Variants in ATRNL1 observed in about 807,000 individuals in gnomAD.
ATRNL1 encodes the protein attractin-like protein 1.
A neutral mutation model predicts 182.7 loss-of-function variants in ATRNL1; 95 were observed. That is an observed-to-expected ratio of 0.52 (90% CI 0.44 to 0.62). The LOEUF is 0.62. ATRNL1 is among the 20% of genes least tolerant of loss of function. ATRNL1 has a pLI of 0.00. For missense variants in ATRNL1, 1,471 were observed against 1,679.5 expected, an observed-to-expected ratio of 0.88 and a Z score of 2.17; for synonymous variants, 576 against 568.3, an observed-to-expected ratio of 1.01 and a Z score of -0.19.
intron 27 of ATRNL1, among the ~76,000 whole-genome samples, chr10:115,807,282 A>G (rs191588889): frequency 4.1e-4 from 63 of 152,086 alleles, no homozygotes; most frequent in African/African-American, 1.5e-3. Context: ...CACCTGGCTA[A>G]TTTTTGTAAT....
chr10:115,516,521 C>T (rs1431566880), intron 24 of ATRNL1, among the ~76,000 whole-genome samples: 2 of 151,910 alleles, frequency 1.3e-5, no homozygotes, highest in African/African-American at 4.8e-5. Context: ...TCTCACCCAA[C>T]AGCCAGAATG....
At chr10:115,607,078 A>C (rs1856912763) in intron 26 of ATRNL1, among the ~76,000 whole-genome samples, 1 of 151,984 alleles carries the variant, frequency 6.6e-6, no homozygotes, top group African/African-American at 2.4e-5. Context: ...ATTCATCTGT[A>C]CTTTTCAATA....
At chr10:115,701,550 G>T (rs782744593) in intron 26 of ATRNL1, among the ~76,000 whole-genome samples, 1 of 151,910 alleles carries the variant, frequency 6.6e-6, no homozygotes, top group Non-Finnish European at 1.5e-5. Flanking sequence ...TTGATAGACT[G>T]CTAGGTAGAT....
chr10:115,568,289 T>C (rs1299678526), intron 26 of ATRNL1, among the ~76,000 whole-genome samples: 1 of 152,074 alleles, frequency 6.6e-6, no homozygotes, highest in African/African-American at 2.4e-5. Flanking sequence ...TAAATTATAA[T>C]TGGTTTCATC....
chr10:115,295,124 A>G (rs1267129247), intron 15 of ATRNL1, among the ~76,000 whole-genome samples: 3 of 152,064 alleles, frequency 2.0e-5, no homozygotes, highest in Non-Finnish European at 4.4e-5. Context: ...ATGTGAGTGT[A>G]TAGCTGCTCA....
At chr10:115,600,605 T>C (rs1424209706) in intron 26 of ATRNL1, among the ~76,000 whole-genome samples, 1 of 152,160 alleles carries the variant, frequency 6.6e-6, no homozygotes. Context: ...TGTAAACGGT[T>C]CTTATATAAT....
At chr10:115,612,000 C>T (rs1857183176) in intron 26 of ATRNL1, among the ~76,000 whole-genome samples, 1 of 152,100 alleles carries the variant, frequency 6.6e-6, no homozygotes, top group South Asian at 2.1e-4. Flanking sequence ...CCTATAATTC[C>T]AGCACGCTGG....
At chr10:115,571,524 C>A (rs1404300407) in intron 26 of ATRNL1, among the ~76,000 whole-genome samples, 1 of 152,160 alleles carries the variant, frequency 6.6e-6, no homozygotes, top group East Asian at 1.9e-4. Context: ...GACACTACTA[C>A]TACATTGTTG....
At chr10:115,701,205 CT>C (rs1267279715) in intron 26 of ATRNL1, among the ~76,000 whole-genome samples, 1 of 151,944 alleles carries the variant, frequency 6.6e-6, no homozygotes, top group Non-Finnish European at 1.5e-5. Flanking sequence ...CTTGAATTGA[CT>C]TTTGGATAAA....
At chr10:115,856,288 C>T (rs982448455) in intron 28 of ATRNL1, among the ~76,000 whole-genome samples, 3 of 151,746 alleles carry the variant, frequency 2.0e-5, no homozygotes, top group South Asian at 2.1e-4. Flanking sequence ...ATTAGCCAGG[C>T]GTGGTGGCAG....
intron 20 of ATRNL1, among the ~76,000 whole-genome samples, chr10:115,402,010 A>G (rs1844588845): frequency 6.6e-6 from 1 of 152,172 alleles, no homozygotes; most frequent in African/African-American, 2.4e-5. Context: ...TATCTCAAAT[A>G]TTCTCCAGAC....
chr10:115,582,647 C>T (rs1555008094), intron 26 of ATRNL1, among the ~76,000 whole-genome samples: 2 of 144,036 alleles, frequency 1.4e-5, no homozygotes, highest in African/African-American at 2.5e-5. Context: ...GGATATTAGC[C>T]CTTTGTCAGA....
chr10:115,904,498 A>C (rs561276660), intron 28 of ATRNL1, among the ~76,000 whole-genome samples: 11 of 152,322 alleles, frequency 7.2e-5, no homozygotes, highest in African/African-American at 2.4e-4. Context: ...CCATGGGATC[A>C]CTATAGACAG....
At chr10:115,689,238 G>A (rs1946315319) in intron 26 of ATRNL1, among the ~76,000 whole-genome samples, 1 of 152,004 alleles carries the variant, frequency 6.6e-6, no homozygotes, top group Admixed American at 6.6e-5. Flanking sequence ...TACTGTGATG[G>A]CTCCAACTTG....
chr10:115,257,984 G>T (rs868915115), intron 10 of ATRNL1, among the ~76,000 whole-genome samples: 3 of 152,146 alleles, frequency 2.0e-5, no homozygotes, highest in African/African-American at 7.2e-5. Context: ...TCTGCTGTTC[G>T]TTTGATGGGC....
intron 26 of ATRNL1, among the ~76,000 whole-genome samples, chr10:115,710,238 G>C (rs985595807): frequency 1.3e-5 from 2 of 152,058 alleles, no homozygotes; most frequent in African/African-American, 4.8e-5. Context: ...TTGTTTATGT[G>C]ATAGTCCTGA....
intron 21 of ATRNL1, among the ~76,000 whole-genome samples, chr10:115,445,983 G>A (rs181787459): frequency 1.2e-3 from 182 of 152,032 alleles, no homozygotes; most frequent in African/African-American, 4.1e-3. Context: ...ATCACATTTT[G>A]TTTACCATTC....
intron 24 of ATRNL1, among the ~76,000 whole-genome samples, chr10:115,481,261 A>G (rs17093149): frequency 0.02 from 2,967 of 150,566 alleles, 67 homozygotes; most frequent in East Asian, 0.13. Flanking sequence ...ATATACTTCC[A>G]TAGTCTGTTA....
At chr10:115,632,838 T>C (rs1555026828) in intron 26 of ATRNL1, among the ~76,000 whole-genome samples, 1 of 140,664 alleles carries the variant, frequency 7.1e-6, no homozygotes, top group Non-Finnish European at 1.6e-5. Flanking sequence ...ATATTATAAA[T>C]ACAAATTCTA....
Sources: allele counts gnomAD v4.1 joint callset (sites outside exome capture counted in the v4.1 genomes callset), GRCh38; gene constraint gnomAD v4.1.1; transcripts MANE v1.5; gene names NCBI Gene and HGNC (gene_info 2026-07-23, HGNC 2026-07-21).